MAST4: variants seen among roughly 807,000 people sequenced by gnomAD.
The protein encoded by MAST4 is microtubule-associated serine/threonine-protein kinase 4.
Under a neutral mutation model 162.7 loss-of-function variants are expected in MAST4, and 89 were observed. The ratio of observed to expected loss-of-function variants is 0.55; its 90% CI spans 0.46 to 0.65. The LOEUF (loss-of-function observed/expected upper bound fraction) is 0.65, where lower values mean the gene tolerates loss of function less well. Among genes scored for constraint, MAST4 ranks in the 30% least tolerant of loss-of-function variants. The pLI is 0.00. For missense variants in MAST4, 3,153 were observed against 3,374.0 expected (o/e 0.93, Z 1.62); for synonymous variants, 1,479 against 1,361.1 (o/e 1.09, Z -1.91).
chr5:66,875,381 A>G (rs909379660), intron 3 of MAST4, among the ~76,000 whole-genome samples: 1 of 152,216 alleles, frequency 6.6e-6, no homozygotes, highest in African/African-American at 2.4e-5. Flanking sequence ...TCAGTCATCC[A>G]TAAATTATCT....
intron 4 of MAST4, among the ~76,000 whole-genome samples, chr5:67,006,143 A>G (rs1752005203): frequency 1.3e-5 from 2 of 152,246 alleles, no homozygotes; most frequent in South Asian, 4.1e-4. Context: ...ATCCTGGAAT[A>G]CTCACATACA....
At chr5:66,783,201 A>G (rs547069680) in intron 2 of MAST4, 13 of 152,290 alleles carry the variant, frequency 8.5e-5, no homozygotes, top group Middle Eastern at 3.4e-3. Context: ...AGTGCTTCCT[A>G]ATTTTTTCCA....
chr5:66,920,576 C>T (rs144647871), intron 4 of MAST4, among the ~76,000 whole-genome samples: 329 of 152,212 alleles, frequency 2.2e-3, no homozygotes, highest in Non-Finnish European at 3.9e-3. Context: ...CCACAACCTC[C>T]GCCTTCCAGG....
At chr5:67,098,478 T>G (rs553671340) in intron 7 of MAST4, among the ~76,000 whole-genome samples, 32 of 152,290 alleles carry the variant, frequency 2.1e-4, no homozygotes, top group Non-Finnish European at 4.4e-4. Context: ...AGATAAATTA[T>G]TTTCTGCTGA....
At chr5:66,708,271 C>T (rs1750269820) in intron 1 of MAST4, among the ~76,000 whole-genome samples, 1 of 152,098 alleles carries the variant, frequency 6.6e-6, no homozygotes, top group Admixed American at 6.5e-5. Context: ...TACCTTGGGG[C>T]AAATTTAACT....
intron 4 of MAST4, chr5:66,930,873 G>T: frequency 2.2e-6 from 1 of 450,922 alleles, no homozygotes; most frequent in Non-Finnish European, 4.6e-6. Flanking sequence ...AATTGTTGTG[G>T]CAGAACTGAG....
chr5:66,818,946 A>G (rs1227399416), intron 3 of MAST4, among the ~76,000 whole-genome samples: 1 of 152,206 alleles, frequency 6.6e-6, no homozygotes, highest in Admixed American at 6.5e-5. Context: ...CAAGAAACTG[A>G]TGAGGATTAA....
At chr5:67,133,443 A>G in intron 16 of MAST4, 71 bp from the exon 17 acceptor site, 2 of 1,517,620 alleles carry the variant, frequency 1.3e-6, no homozygotes, top group Admixed American at 1.8e-5. Context: ...CTGAGGGGGG[A>G]AGGGAGGAAA....
intron 1 of MAST4, among the ~76,000 whole-genome samples, chr5:66,622,558 A>G (rs1460472751): frequency 6.6e-6 from 1 of 152,100 alleles, no homozygotes; most frequent in Non-Finnish European, 1.5e-5. Flanking sequence ...TGGAGTGAAA[A>G]CAGAGAATCA....
intron 3 of MAST4, among the ~76,000 whole-genome samples, chr5:66,870,592 C>T (rs1001458003): frequency 1.2e-4 from 17 of 136,868 alleles, no homozygotes; most frequent in African/African-American, 4.6e-4. Flanking sequence ...AAATAACTTG[C>T]ACATCACATG....
In MAST4 at chr5:66,732,029, G is replaced by T. The variant is rs543036360; in HGVS notation, c.364-27680G>T. ...TCCCTTCCTGTGATACCAGTCCCAC[G>T]CAGGCCCTTTTGTCTCAACAGCTTC... On this transcript the variant is annotated intron_variant, in intron 1 of 28. Transcript: ENST00000403625. Among the ~76,000 whole-genome samples, 34 of 151,864 alleles carry T rather than the reference G, an allele frequency of 2.2e-4. No homozygotes were observed. In the South Asian group the frequency reaches 7.1e-3, roughly 32 times the overall value.
rs566720838 is a variant in MAST4, at chr5:67,071,685, G to A, written c.763+17193G>A. On this transcript the variant is annotated intron_variant, in intron 5 of 28. Transcript: ENST00000403625. ...TGAGGCAGGAGAATTGCTTGAACAC[G>A]GGAGGCGAAGGTTACAGTGAGCCGA... Among the ~76,000 whole-genome samples, 10 of 152,284 alleles carry A rather than the reference G, an allele frequency of 6.6e-5. No homozygotes were observed. In the South Asian group the frequency reaches 1.2e-3, roughly 19 times the overall value.
At chr5:66,788,607 C>CCAACCAAAAAAAAAAAAAA in intron 2 of MAST4, 63 bp from the exon 3 acceptor site, 13 of 1,373,716 alleles carry the variant, frequency 9.5e-6, no homozygotes, top group Non-Finnish European at 1.2e-5. Flanking sequence ...CCCCCACCCC[C>CCAACCAAAAAAAAAAAAAA]ATTGCAATAA....
chr5:67,102,179 T>G (rs1765102095), intron 8 of MAST4, among the ~76,000 whole-genome samples: 1 of 152,110 alleles, frequency 6.6e-6, no homozygotes, highest in Non-Finnish European at 1.5e-5. Context: ...TATCCTATTT[T>G]ATTTTATTTT....
chr5:66,733,217 C>G (rs1218238651), intron 1 of MAST4, among the ~76,000 whole-genome samples: 2 of 152,136 alleles, frequency 1.3e-5, no homozygotes, highest in Non-Finnish European at 2.9e-5. Flanking sequence ...GTTGTCCTGC[C>G]TCTGTCTCCC....
chr5:67,122,235 TG>T (rs1767679242), intron 14 of MAST4, among the ~76,000 whole-genome samples: 1 of 152,232 alleles, frequency 6.6e-6, no homozygotes. Flanking sequence ...TCACATTTAT[TG>T]CCATTTATCA....
At chr5:66,841,641 C>T (rs1758435730) in intron 3 of MAST4, among the ~76,000 whole-genome samples, 2 of 152,092 alleles carry the variant, frequency 1.3e-5, no homozygotes, top group South Asian at 2.1e-4. Context: ...ATCATGAGGG[C>T]CCCACCTTCA....
In MAST4 at chr5:67,163,507, G is replaced by A; in HGVS notation, c.4328G>A (p.Arg1443His). The change falls in exon 29 of 29, where the codon CGC becomes CAC. Residue 1443 changes from arginine to histidine, a missense_variant. Arg to His is a conservative substitution (Grantham distance 29, BLOSUM62 0). Transcript: ENST00000403625. This position sits in a 1 kb window ranked among gnomAD's most constrained non-coding sequence, Gnocchi z 7.0. ...AEPPRSPLLK[R>H]VQSEEKLSPS... Reference sequence around the variant, plus strand: ...CCCCCCAGGTCCCCGCTGCTCAAGCGCGTGCAGTCCGAGGAGAAGCTGTCG... The same window carrying A: ...CCCCCCAGGTCCCCGCTGCTCAAGCACGTGCAGTCCGAGGAGAAGCTGTCG... 6.2e-7 allele frequency: 1 copy of A among 1,611,734 alleles called. No homozygotes were observed. The highest frequency in any genetic ancestry group is 1.1e-5 in the South Asian group (1 of 90,746).
chr5:67,107,902 C>G (rs1226288822), intron 10 of MAST4, among the ~76,000 whole-genome samples: 1 of 152,172 alleles, frequency 6.6e-6, no homozygotes, highest in African/African-American at 2.4e-5. Flanking sequence ...AGTGGCCAAC[C>G]CTTAAAATAC....
Sources: gnomAD v4.1 joint callset for allele counts (sites outside exome capture counted in the v4.1 genomes callset) on GRCh38, gnomAD v4.1.1 for gene constraint, Gnocchi (gnomAD v3.1) non-coding constraint, MANE v1.5 for transcripts, NCBI Gene and HGNC (gene_info 2026-07-23, HGNC 2026-07-21) for gene names.